Variants in RFFL observed in about 807,000 individuals in gnomAD.
RFFL encodes the protein E3 ubiquitin-protein ligase rififylin.
RFFL carries 16 observed loss-of-function variants against 40.4 expected under a neutral mutation model. The observed-to-expected ratio is 0.40, with a 90% CI of 0.27 to 0.60. RFFL has a LOEUF of 0.60. Ranked by LOEUF, RFFL falls within the 20% of genes least tolerant of loss-of-function variation. The probability of loss-of-function intolerance (pLI) is 0.47; values close to 1 mark genes in which losing one functional copy is unlikely to be tolerated. For missense variants in RFFL, 367 were observed against 451.7 expected, an observed-to-expected ratio of 0.81 and a Z score of 1.70; for synonymous variants, 154 against 167.9, an observed-to-expected ratio of 0.92 and a Z score of 0.64.
intron 1 of RFFL, among the ~76,000 whole-genome samples, chr17:35,082,758 C>T (rs76903488): frequency 0.012 from 1,770 of 152,300 alleles, 35 homozygotes; most frequent in African/African-American, 0.039. Flanking sequence ...TTTCAATCCT[C>T]CCTTGCATAT....
intron 1 of RFFL, among the ~76,000 whole-genome samples, chr17:35,035,405 T>C (rs2091114265): frequency 7.0e-6 from 1 of 143,836 alleles, no homozygotes; most frequent in South Asian, 2.2e-4. Context: ...CGAGACTCCA[T>C]CTCAAAAAAA....
chr17:35,060,750 A>T (rs771861468), intron 1 of RFFL, among the ~76,000 whole-genome samples: 10 of 152,190 alleles, frequency 6.6e-5, no homozygotes, highest in Non-Finnish European at 8.8e-5. Flanking sequence ...ATCTAACAAA[A>T]AAGCTTCTAA....
intron 1 of RFFL, among the ~76,000 whole-genome samples, chr17:35,053,658 G>T (rs1167805996): frequency 6.6e-6 from 1 of 152,146 alleles, no homozygotes; most frequent in East Asian, 1.9e-4. Flanking sequence ...GGATCACTGG[G>T]ACAATGAAAT....
chr17:35,068,850 C>A (rs1221549387), intron 1 of RFFL, among the ~76,000 whole-genome samples: 1 of 152,312 alleles, frequency 6.6e-6, no homozygotes, highest in East Asian at 1.9e-4. Flanking sequence ...AAACTGCTAT[C>A]TTGGGCAGCT....
chr17:35,014,688 G>A, intron 6 of RFFL, 52 bp downstream of exon 6: 1 of 1,543,026 alleles, frequency 6.5e-7, no homozygotes, highest in Non-Finnish European at 9.0e-7. Flanking sequence ...GGTTGAAGGA[G>A]GGGAAGGACA....
At chr17:35,031,344 T>C (rs1293427773) in intron 1 of RFFL, among the ~76,000 whole-genome samples, 3 of 152,000 alleles carry the variant, frequency 2.0e-5, no homozygotes, top group South Asian at 2.1e-4. Context: ...TGACCTCAGG[T>C]GATCCGCCTG....
chr17:35,086,670 C>T (rs144883153), intron 1 of RFFL, among the ~76,000 whole-genome samples: 12 of 152,206 alleles, frequency 7.9e-5, no homozygotes, highest in African/African-American at 2.4e-4. Flanking sequence ...TTAAACTATG[C>T]GTTCTCATTA....
chr17:35,081,784 A>G (rs1179882070), intron 1 of RFFL, among the ~76,000 whole-genome samples: 6 of 152,240 alleles, frequency 3.9e-5, no homozygotes, highest in Non-Finnish European at 7.3e-5. Context: ...ACAGAAATAT[A>G]TAAGGAGCAG....
chr17:35,051,639 T>C (rs28703109), intron 1 of RFFL, among the ~76,000 whole-genome samples: 1 of 152,288 alleles, frequency 6.6e-6, no homozygotes, highest in Middle Eastern at 3.4e-3. Context: ...CAAATAGTGC[T>C]GAGATAAGGA....
chr17:35,048,407 A>G (rs2091213070), intron 1 of RFFL, among the ~76,000 whole-genome samples: 1 of 151,998 alleles, frequency 6.6e-6, no homozygotes, highest in Non-Finnish European at 1.5e-5. Flanking sequence ...ATCTCAAAAA[A>G]TTAATTAATT....
intron 2 of RFFL, among the ~76,000 whole-genome samples, chr17:35,022,897 T>A (rs932073553): frequency 1.2e-4 from 19 of 152,352 alleles, no homozygotes; most frequent in African/African-American, 4.3e-4. Context: ...GAGCGCCTGA[T>A]GGGCAAGCTG....
chr17:35,081,189 G>A (rs1178180230), intron 1 of RFFL, among the ~76,000 whole-genome samples: 1 of 152,220 alleles, frequency 6.6e-6, no homozygotes, highest in African/African-American at 2.4e-5. Flanking sequence ...AAAAACCTGT[G>A]TAGGTTATAA....
intron 3 of RFFL, among the ~76,000 whole-genome samples, chr17:35,018,165 C>T (rs1179224523): frequency 2.6e-5 from 4 of 152,182 alleles, no homozygotes; most frequent in African/African-American, 7.2e-5. Context: ...ATCATCACCA[C>T]CCTAGTCTCT....
chr17:35,085,075 G>C (rs1298738514), intron 1 of RFFL, among the ~76,000 whole-genome samples: 2 of 152,198 alleles, frequency 1.3e-5, no homozygotes, highest in Non-Finnish European at 2.9e-5. Context: ...TCTCCAGGAA[G>C]TGGGGCTGGG....
chr17:35,027,084 C>T (rs923890427), intron 1 of RFFL, among the ~76,000 whole-genome samples: 17 of 152,132 alleles, frequency 1.1e-4, no homozygotes, highest in Non-Finnish European at 1.2e-4. Flanking sequence ...ATATAGAGAG[C>T]TAATATACAG....
intron 4 of RFFL, among the ~76,000 whole-genome samples, chr17:35,017,202 C>T (rs1364568751): frequency 1.3e-5 from 2 of 152,100 alleles, no homozygotes; most frequent in Non-Finnish European, 2.9e-5. Context: ...CTACAGTGTG[C>T]TAGAAGCAAG....
At chr17:35,070,088 G>T (rs953354937) in intron 1 of RFFL, among the ~76,000 whole-genome samples, 1 of 151,458 alleles carries the variant, frequency 6.6e-6, no homozygotes, top group Non-Finnish European at 1.5e-5. Flanking sequence ...GAGCGAGCAC[G>T]CACACATATA....
chr17:35,040,715 A>G (rs1050248060), intron 1 of RFFL, among the ~76,000 whole-genome samples: 1 of 151,716 alleles, frequency 6.6e-6, no homozygotes, highest in African/African-American at 2.4e-5. Context: ...ATCATCTTTC[A>G]TATATTAATC....
Position 35,014,748 on chromosome 17 carries a change from T to C in RFFL, c.902A>G (p.Asp301Gly). ...GLQHLVSGAE[D>G]QNGGAVPSGL... The stretch of plus-strand genomic sequence containing the variant: ...CAGAAACAACTACATACCGTTTTGG[T>C]CTTCGGCACCACTGACTGAAAAGGA... Residue 301 changes from aspartate to glycine, a missense_variant, in exon 6 of 7, where the codon GAC becomes GGC. Physicochemically the swap from Asp to Gly is moderately conservative, Grantham distance 94. Transcript: ENST00000394597. 6.2e-7 allele frequency: 1 copy of C among 1,613,776 alleles called. No homozygotes were observed.
Sources: gnomAD v4.1 joint callset for allele counts (sites outside exome capture counted in the v4.1 genomes callset) on GRCh38, gnomAD v4.1.1 for gene constraint, MANE v1.5 for transcripts, NCBI Gene and HGNC (gene_info 2026-07-23, HGNC 2026-07-21) for gene names.